C16orf87: variants seen among roughly 807,000 people sequenced by gnomAD.
C16orf87 encodes the protein UPF0547 protein C16orf87.
In C16orf87, 13 loss-of-function variants were observed where a neutral mutation model predicts 21.0. The observed-to-expected ratio is 0.62, with a 90% CI of 0.40 to 0.98. C16orf87 has a LOEUF of 0.98. Among genes scored for constraint, C16orf87 ranks in the 50% least tolerant of loss-of-function variants. The pLI is 0.00. For missense variants in C16orf87, 113 were observed against 180.4 expected (o/e 0.63, Z 2.14); for synonymous variants, 49 against 60.2 (o/e 0.81, Z 0.86).
intron 2 of C16orf87, among the ~76,000 whole-genome samples, chr16:46,818,950 G>A (rs545564469): frequency 2.0e-5 from 3 of 152,320 alleles, no homozygotes; most frequent in Admixed American, 6.5e-5. Flanking sequence ...AAATGACTTC[G>A]TAACTTTACT....
At chr16:46,805,450 C>A (rs1967902221) in intron 3 of C16orf87, among the ~76,000 whole-genome samples, 1 of 152,036 alleles carries the variant, frequency 6.6e-6, no homozygotes, top group Non-Finnish European at 1.5e-5. Flanking sequence ...GGCTTTTTGA[C>A]CTCTGCAATT....
In C16orf87 at chr16:46,800,878, A is replaced by G. The variant is rs566337684; in HGVS notation, c.*2074T>C. 39 of 152,344 alleles carry G rather than the reference A, an allele frequency of 2.6e-4. No homozygotes were observed. The highest frequency in any genetic ancestry group is 9.1e-4 in the African/African-American group (38 of 41,580). The allele number at this position is 152,344 out of a possible 1,614,324, so 9.4% of individuals were successfully genotyped here. A position where few individuals can be genotyped will look rare whatever the true frequency, so the allele number is the denominator to read the frequency against. On this transcript the variant is annotated 3_prime_UTR_variant, in exon 4 of 4. Coordinates refer to ENST00000285697, the MANE Select transcript of C16orf87 (RefSeq NM_001001436.4). ...GCCACGGAAATTTTTAAATAAGCCAATAATTTAACATTATGAGATCTGAAG... is the reference window on the plus strand; with the variant it reads ...GCCACGGAAATTTTTAAATAAGCCAGTAATTTAACATTATGAGATCTGAAG...
At chr16:46,830,650 A>C in intron 1 of C16orf87, 3 of 156,512 alleles carry the variant, frequency 1.9e-5, no homozygotes, top group Non-Finnish European at 4.2e-5. Flanking sequence ...GGAACCGGGA[A>C]CAAAGCCGCC....
intron 2 of C16orf87, among the ~76,000 whole-genome samples, chr16:46,819,759 G>A (rs1959336830): frequency 6.6e-6 from 1 of 151,576 alleles, no homozygotes; most frequent in Non-Finnish European, 1.5e-5. Context: ...CGGATTACCT[G>A]AGGTCGGGAG....
At chr16:46,829,371 G>C (rs1959757493) in intron 1 of C16orf87, among the ~76,000 whole-genome samples, 1 of 152,064 alleles carries the variant, frequency 6.6e-6, no homozygotes, top group South Asian at 2.1e-4. Flanking sequence ...ATCTTGTTTT[G>C]TTGAACAGTT....
intron 3 of C16orf87, chr16:46,807,913 T>C: frequency 2.4e-6 from 1 of 408,574 alleles, no homozygotes; most frequent in African/African-American, 2.1e-5. Context: ...GTATATAGAC[T>C]TCATTTCCCC....
chr16:46,830,731 G>T (rs544026836), intron 1 of C16orf87: 24 of 207,984 alleles, frequency 1.2e-4, no homozygotes, highest in African/African-American at 3.5e-4. Context: ...CTCTCGCCGG[G>T]GCTGCGGCCC....
intron 2 of C16orf87, among the ~76,000 whole-genome samples, chr16:46,811,348 A>G (rs1455858619): frequency 6.6e-6 from 1 of 152,124 alleles, no homozygotes; most frequent in East Asian, 1.9e-4. Flanking sequence ...TACTAAAAAT[A>G]CAAAATTAGC....
At position 46,802,861 on chromosome 16, in the gene C16orf87, T is replaced by A; in HGVS notation, c.*91A>T. On this transcript the variant is annotated 3_prime_UTR_variant, in exon 4 of 4. Transcript: ENST00000285697. Reference sequence around the variant, plus strand: ...AGAAACAATCGATGGCCCTTATTGATGCAGTCAGAATGCTCCTGAGAGTCC... The same window carrying A: ...AGAAACAATCGATGGCCCTTATTGAAGCAGTCAGAATGCTCCTGAGAGTCC... The A allele has an allele frequency of 1.4e-6, 1 of 699,804 alleles. No individual in the cohort carries two copies. Among genetic ancestry groups the A allele is most frequent in the South Asian group, 1.7e-5 (1 of 58,410 alleles). The allele number at this position is 699,804 out of a possible 1,614,324, so 43.3% of individuals were successfully genotyped here.
rs905142473 is a variant in C16orf87, at chr16:46,799,592, G to A, written c.*3360C>T. 2 of 152,202 alleles carry A rather than the reference G, an allele frequency of 1.3e-5. No individual in the cohort carries two copies. Among genetic ancestry groups the A allele is most frequent in the African/African-American group, 4.8e-5 (2 of 41,452 alleles). The allele number at this position is 152,202 out of a possible 1,614,324, so 9.4% of individuals were successfully genotyped here. On this transcript the variant is annotated 3_prime_UTR_variant, in exon 4 of 4. Transcript: ENST00000285697. Reference sequence around the variant, plus strand: ...ATGACGGACAAAATGTTTTAGAGAAGAACACAATTTGGCAGAATGACTACC... The same window carrying A: ...ATGACGGACAAAATGTTTTAGAGAAAAACACAATTTGGCAGAATGACTACC...
intron 3 of C16orf87, among the ~76,000 whole-genome samples, chr16:46,805,178 T>C (rs1230095875): frequency 6.6e-6 from 1 of 152,194 alleles, no homozygotes; most frequent in Non-Finnish European, 1.5e-5. Context: ...ATTGTCATTG[T>C]TAAAGTCGTT....
rs1967735243 is a variant in C16orf87, at chr16:46,800,344, C to A, written c.*2608G>T. ...GAAATAATTTGCACAATTTCCCTTACTTTTATATCATTTACATTTAAATAC... is the reference window on the plus strand; with the variant it reads ...GAAATAATTTGCACAATTTCCCTTAATTTTATATCATTTACATTTAAATAC... On this transcript the variant is annotated 3_prime_UTR_variant, in exon 4 of 4. Coordinates refer to ENST00000285697, the MANE Select transcript of C16orf87 (RefSeq NM_001001436.4). 1 of 152,132 alleles carries A rather than the reference C, an allele frequency of 6.6e-6. No individual in the cohort carries two copies. Among genetic ancestry groups the A allele is most frequent in the Middle Eastern group, 3.2e-3 (1 of 316 alleles). 9.4% of individuals were successfully genotyped at this position (152,132 alleles called of 1,614,324 possible).
intron 2 of C16orf87, among the ~76,000 whole-genome samples, chr16:46,811,633 A>T (rs1396277248): frequency 1.3e-5 from 2 of 152,142 alleles, no homozygotes; most frequent in East Asian, 1.9e-4. Context: ...TCTAACTTAC[A>T]ACTAATAGGA....
chr16:46,827,007 A>G (rs1429682264), intron 1 of C16orf87, among the ~76,000 whole-genome samples: 1 of 152,232 alleles, frequency 6.6e-6, no homozygotes, highest in African/African-American at 2.4e-5. Context: ...ACAGTGTTGC[A>G]GTTAGATGAG....
At chr16:46,807,965 C>G in intron 3 of C16orf87, 1 of 451,580 alleles carries the variant, frequency 2.2e-6, no homozygotes, top group East Asian at 7.0e-5. Context: ...CTTCTCTCAC[C>G]CACCACCAGA....
chr16:46,803,858 A>G (rs1967845924), intron 3 of C16orf87, among the ~76,000 whole-genome samples: 1 of 152,128 alleles, frequency 6.6e-6, no homozygotes, highest in Non-Finnish European at 1.5e-5. Flanking sequence ...CATTTGTACA[A>G]GATGCTACTT....
At position 46,798,622 on chromosome 16, in the gene C16orf87, C is replaced by T. The variant is rs1967684605; in HGVS notation, c.*4330G>A. The T allele has an allele frequency of 1.3e-5, 2 of 151,912 alleles. No individual in the cohort carries two copies. The highest frequency in any genetic ancestry group is 2.9e-5 in the Non-Finnish European group (2 of 68,064). The allele number at this position is 151,912 out of a possible 1,614,324, so 9.4% of individuals were successfully genotyped here. ...AATTAGCCGGGCATGGTGATGCACA[C>T]CTGTATACCCAGGTACTTGGGAGGC... On this transcript the variant is annotated 3_prime_UTR_variant, in exon 4 of 4. Coordinates refer to ENST00000285697, the MANE Select transcript of C16orf87 (RefSeq NM_001001436.4).
intron 2 of C16orf87, among the ~76,000 whole-genome samples, chr16:46,823,239 T>G (rs1409702199): frequency 2.0e-5 from 3 of 152,206 alleles, no homozygotes; most frequent in Non-Finnish European, 4.4e-5. Context: ...TCTGTATATT[T>G]GTTCACTGTC....
At chr16:46,815,290 A>T (rs1363614485) in intron 2 of C16orf87, among the ~76,000 whole-genome samples, 2 of 152,144 alleles carry the variant, frequency 1.3e-5, no homozygotes, top group African/African-American at 2.4e-5. Context: ...AAAACTGTTT[A>T]AAAAATCATG....
Sources: gnomAD v4.1 joint callset for allele counts (sites outside exome capture counted in the v4.1 genomes callset) on GRCh38, gnomAD v4.1.1 for gene constraint, MANE v1.5 for transcripts, NCBI Gene and HGNC (gene_info 2026-07-23, HGNC 2026-07-21) for gene names.